KANK1: variants seen among roughly 807,000 people sequenced by gnomAD.
KANK1 encodes KN motif and ankyrin repeat domain-containing protein 1.
Under a neutral mutation model 106.2 loss-of-function variants are expected in KANK1, and 109 were observed. The observed-to-expected ratio is 1.03, with a 90% CI of 0.88 to 1.20. The LOEUF is 1.20. Among genes scored for constraint, KANK1 ranks in the 50% most tolerant of loss-of-function variants. The probability of loss-of-function intolerance (pLI) is 0.00; values close to 1 mark genes in which losing one functional copy is unlikely to be tolerated. For missense variants in KANK1, 2,399 were observed against 1,710.7 expected (o/e 1.40, Z -7.10); for synonymous variants, 873 against 652.2 (o/e 1.34, Z -5.16).
rs143492338 is a variant in KANK1, at chr9:612,940, C to G, written c.-83-63950C>G. On this transcript the variant is annotated intron_variant, in intron 1 of 11. Coordinates refer to ENST00000382297, the MANE Select transcript of KANK1 (RefSeq NM_015158.5). ...TGCCTATGGTTACATGCAGAGGATC[C>G]CAACAGGAGCATCATACACACAGCA... is the stretch of plus-strand genomic sequence containing the variant. 1.8e-3 allele frequency among the ~76,000 whole-genome samples: 278 copies of G among 152,096 alleles called. 1 individual carries two copies. Among genetic ancestry groups the G allele is most frequent in the African/African-American group, 6.2e-3 (256 of 41,480 alleles).
chr9:506,730 T>C (rs1308506167), intron 1 of KANK1, among the ~76,000 whole-genome samples: 1 of 152,206 alleles, frequency 6.6e-6, no homozygotes, highest in Admixed American at 6.5e-5. Context: ...CAAATAGTTC[T>C]GAGTTAATGT....
At chr9:652,523 C>G (rs1468731912) in intron 1 of KANK1, among the ~76,000 whole-genome samples, 1 of 151,558 alleles carries the variant, frequency 6.6e-6, no homozygotes, top group Non-Finnish European at 1.5e-5. Flanking sequence ...AACTGTGTCT[C>G]AAAAGTAAAA....
chr9:638,891 G>A (rs532492393), intron 1 of KANK1, among the ~76,000 whole-genome samples: 16 of 152,298 alleles, frequency 1.1e-4, no homozygotes, highest in Middle Eastern at 3.4e-3. Flanking sequence ...CAGCAATGTC[G>A]ACAACTTAGG....
chr9:509,911 C>G (rs899886737), intron 1 of KANK1, among the ~76,000 whole-genome samples: 15 of 152,178 alleles, frequency 9.9e-5, no homozygotes, highest in Non-Finnish European at 2.1e-4. Context: ...ATCCTCCCGC[C>G]TCAGCCTGCC....
intron 3 of KANK1, among the ~76,000 whole-genome samples, chr9:499,309 A>G (rs912947298): frequency 6.6e-6 from 1 of 152,240 alleles, no homozygotes; most frequent in African/African-American, 2.4e-5. Context: ...AGCATTATTA[A>G]TAATAGCCCA....
chr9:541,453 AG>A (rs1344143502), intron 1 of KANK1, among the ~76,000 whole-genome samples: 1 of 152,200 alleles, frequency 6.6e-6, no homozygotes, highest in African/African-American at 2.4e-5. Flanking sequence ...GGCATGGCTC[AG>A]GGGTAGAGGA....
intron 1 of KANK1, among the ~76,000 whole-genome samples, chr9:610,613 C>G (rs1325531666): frequency 1.3e-5 from 2 of 152,162 alleles, no homozygotes; most frequent in African/African-American, 2.4e-5. Flanking sequence ...TGACTCTGAT[C>G]AAGACATGGC....
At chr9:518,991 A>G (rs2059426609) in intron 1 of KANK1, among the ~76,000 whole-genome samples, 2 of 151,230 alleles carry the variant, frequency 1.3e-5, no homozygotes, top group African/African-American at 4.9e-5. Flanking sequence ...TCCAGGTTCC[A>G]GTGATTCTTC....
chr9:578,515 T>C lies in KANK1; in HGVS notation c.-84+73761T>C, dbSNP rs111884742. ...GGGGGTGCAGTCCTCTATACAAAAATCTTAAAAACTAAATATATCTATTCT... is the reference window on the plus strand; with the variant it reads ...GGGGGTGCAGTCCTCTATACAAAAACCTTAAAAACTAAATATATCTATTCT... On this transcript the variant is annotated intron_variant, in intron 1 of 11. Coordinates refer to ENST00000382297, the MANE Select transcript of KANK1 (RefSeq NM_015158.5). Among the ~76,000 whole-genome samples, 29 of 152,136 alleles carry C rather than the reference T, an allele frequency of 1.9e-4. 2 individuals are homozygous for C. Among genetic ancestry groups the C allele is most frequent in the African/African-American group, 5.5e-4 (23 of 41,506 alleles).
intron 1 of KANK1, among the ~76,000 whole-genome samples, chr9:642,632 C>G (rs1204438946): frequency 6.6e-6 from 1 of 150,852 alleles, no homozygotes; most frequent in Admixed American, 6.6e-5. Context: ...AATTCCCCTC[C>G]TTTGAGTGGG....
At position 669,445 on chromosome 9, in the gene KANK1, C is replaced by G. The variant is rs573515357; in HGVS notation, c.-83-7445C>G. Among the ~76,000 whole-genome samples the G allele has an allele frequency of 1.9e-3, 290 of 152,186 alleles. 1 individual carries two copies. The highest frequency in any genetic ancestry group is 3.2e-3 in the Non-Finnish European group (220 of 68,000). On this transcript the variant is annotated intron_variant, in intron 1 of 11. Transcript: ENST00000382297. ...CTTTTGTTTGTCAGAAAAAGACTAT[C>G]TCTCCTTCATACTTGAAGGATATTT...
intron 2 of KANK1, among the ~76,000 whole-genome samples, chr9:694,684 ACTG>A (rs1258606390): frequency 6.6e-6 from 1 of 152,094 alleles, no homozygotes; most frequent in Admixed American, 6.5e-5. Context: ...CCGTTCCACT[ACTG>A]AGAATAGTAA....
intron 3 of KANK1, among the ~76,000 whole-genome samples, chr9:722,255 TTTTA>T (rs966809181): frequency 1.3e-5 from 2 of 152,188 alleles, no homozygotes; most frequent in Non-Finnish European, 2.9e-5. Context: ...CTGAATTCTA[TTTTA>T]TTTATTTTAT....
At chr9:707,053 A>T in intron 2 of KANK1, 1 of 985,426 alleles carries the variant, frequency 1.0e-6, no homozygotes. Context: ...GGGTGGTGTC[A>T]CTGCAGCCGG....
chr9:650,698 C>T (rs16921813), intron 1 of KANK1, among the ~76,000 whole-genome samples: 2,002 of 152,168 alleles, frequency 0.013, 45 homozygotes, highest in African/African-American at 0.045. Context: ...TGAGAGGGAC[C>T]ACCCAGACTT....
At chr9:595,534 T>G (rs975329866) in intron 1 of KANK1, among the ~76,000 whole-genome samples, 3 of 151,850 alleles carry the variant, frequency 2.0e-5, no homozygotes, top group Non-Finnish European at 4.4e-5. Flanking sequence ...TTTTCTTTTT[T>G]CTTTTGTTTG....
At chr9:727,621 C>T (rs1347235102) in intron 3 of KANK1, among the ~76,000 whole-genome samples, 1 of 151,304 alleles carries the variant, frequency 6.6e-6, no homozygotes, top group African/African-American at 2.4e-5. Context: ...CAGGCTAATC[C>T]AGGGAAAAAT....
chr9:609,156 C>T (rs1830013169), intron 1 of KANK1, among the ~76,000 whole-genome samples: 1 of 151,902 alleles, frequency 6.6e-6, no homozygotes, highest in Non-Finnish European at 1.5e-5. Flanking sequence ...ATTGGCTTTA[C>T]CTAGTATTAT....
intron 1 of KANK1, among the ~76,000 whole-genome samples, chr9:637,281 A>AT (rs1236445697): frequency 2.6e-5 from 4 of 152,144 alleles, no homozygotes; most frequent in African/African-American, 9.7e-5. Context: ...TTGTTCCAGC[A>AT]TTTGTTGAAT....
Sources: allele counts gnomAD v4.1 joint callset (sites outside exome capture counted in the v4.1 genomes callset), GRCh38; gene constraint gnomAD v4.1.1; transcripts MANE v1.5; gene names NCBI Gene and HGNC (gene_info 2026-07-23, HGNC 2026-07-21).